Variants in COL11A1 observed in about 807,000 individuals in gnomAD.
The protein encoded by COL11A1 is collagen type XI alpha 1 chain.
Under a neutral mutation model 265.2 loss-of-function variants are expected in COL11A1, and 74 were observed. The ratio of observed to expected loss-of-function variants is 0.28; its 90% CI spans 0.23 to 0.34. The LOEUF (loss-of-function observed/expected upper bound fraction) is 0.34. Ranked by LOEUF, COL11A1 falls within the 10% of genes least tolerant of loss-of-function variation. COL11A1 has a pLI of 1.00. For missense variants in COL11A1, 2,165 were observed against 2,263.6 expected (o/e 0.96, Z 0.88); for synonymous variants, 816 against 727.6 (o/e 1.12, Z -1.96).
At chr1:102,947,206 G>C (rs1486101878) in intron 41 of COL11A1, among the ~76,000 whole-genome samples, 1 of 151,800 alleles carries the variant, frequency 6.6e-6, no homozygotes, top group Non-Finnish European at 1.5e-5. Context: ...ATCAAAATTA[G>C]ATGTATTTAA....
At chr1:103,048,495 CTTT>C (rs1669503557) in intron 4 of COL11A1, among the ~76,000 whole-genome samples, 1 of 152,056 alleles carries the variant, frequency 6.6e-6, no homozygotes, top group African/African-American at 2.4e-5. Context: ...CTCTTTTCTT[CTTT>C]ATTAGTCTTG....
chr1:103,022,248 G>T (rs1042895402), intron 8 of COL11A1, among the ~76,000 whole-genome samples: 1 of 151,502 alleles, frequency 6.6e-6, no homozygotes, highest in Non-Finnish European at 1.5e-5. Context: ...CCTATTGAAG[G>T]CTTAAATATG....
intron 4 of COL11A1, among the ~76,000 whole-genome samples, chr1:103,051,532 C>T (rs1052416551): frequency 2.0e-5 from 3 of 152,186 alleles, no homozygotes; most frequent in African/African-American, 7.2e-5. Context: ...AAAGGGAATT[C>T]CCTGACCCCT....
Position 103,082,905 on chromosome 1 carries a change from CGTT to C in COL11A1, c.171_173del (p.Thr58del), listed in dbSNP as rs1553253791. ...AATTCTTTCTGTTTGTGCAAAATCCCGTTGTTTTTGATATTCCCTCTGGAGAAT... is the reference window on the plus strand; with the variant it reads ...AATTCTTTCTGTTTGTGCAAAATCCCGTTTTTGATATTCCCTCTGGAGAAT... On this transcript the variant is annotated inframe_deletion, in exon 2 of 67. Coordinates refer to ENST00000370096, the MANE Select transcript of COL11A1 (RefSeq NM_001854.4). 1 of 1,613,430 alleles carries C rather than the reference CGTT, an allele frequency of 6.2e-7. No individual in the cohort carries two copies. The highest frequency in any genetic ancestry group is 8.5e-7 in the Non-Finnish European group (1 of 1,179,650).
At chr1:102,974,943 A>G in intron 35 of COL11A1, 60 bp from the exon 36 acceptor site, 1 of 1,246,558 alleles carries the variant, frequency 8.0e-7, no homozygotes, top group East Asian at 2.3e-5. Context: ...GCATCTTTAT[A>G]CTTTGAGGTT....
In COL11A1 at chr1:102,946,868, G is replaced by C; in HGVS notation, c.3257C>G (p.Ala1086Gly). 1 of 1,613,428 alleles carries C rather than the reference G, an allele frequency of 6.2e-7. No individual in the cohort carries two copies. Among genetic ancestry groups the C allele is most frequent in the South Asian group, 1.1e-5 (1 of 90,918 alleles). Residue 1086 changes from alanine to glycine, a missense_variant, in exon 42 of 67, where the codon GCT (alanine) becomes GGT (glycine). Physicochemically the swap from Ala to Gly is moderately conservative, Grantham distance 60 (BLOSUM62 0). Transcript: ENST00000370096. The part of the protein sequence containing the change: ...RPGPQGPPGP[A>G]GEKGAPGEKG... The stretch of plus-strand genomic sequence containing the variant: ...ACTTACAGGAGCACCTTTCTCTCCA[G>C]CTGGACCAGGAGGACCCTGAGGTCC...
intron 66 of COL11A1, 53 bp downstream of exon 66, chr1:102,879,630 T>A: frequency 6.6e-7 from 1 of 1,519,070 alleles, no homozygotes; most frequent in Non-Finnish European, 9.1e-7. Context: ...ACTGAAACGG[T>A]GACATGCTGC....
At chr1:103,063,320 A>G (rs566538801) in intron 4 of COL11A1, among the ~76,000 whole-genome samples, 1 of 152,236 alleles carries the variant, frequency 6.6e-6, no homozygotes, top group Admixed American at 6.5e-5. Context: ...AAGACTTAAT[A>G]TAATATTACA....
chr1:102,945,001 T>C (rs990365352), intron 42 of COL11A1, among the ~76,000 whole-genome samples: 4 of 152,184 alleles, frequency 2.6e-5, no homozygotes, highest in African/African-American at 9.6e-5. Flanking sequence ...ACAGGTGGCA[T>C]GGCCCATTCC....
At chr1:102,947,315 T>C (rs1475760540) in intron 41 of COL11A1, among the ~76,000 whole-genome samples, 6 of 152,206 alleles carry the variant, frequency 3.9e-5, no homozygotes, top group African/African-American at 1.2e-4. Context: ...AATTTCTCCC[T>C]GTATTATAAT....
intron 46 of COL11A1, among the ~76,000 whole-genome samples, chr1:102,930,170 C>A (rs960965669): frequency 5.2e-4 from 79 of 152,124 alleles, no homozygotes; most frequent in Middle Eastern, 3.4e-3. Flanking sequence ...GTCTTGTGCC[C>A]GTTTTCAAAG....
At chr1:102,890,897 AAACTC>A (rs1257750357) in intron 57 of COL11A1, among the ~76,000 whole-genome samples, 3 of 152,048 alleles carry the variant, frequency 2.0e-5, no homozygotes, top group African/African-American at 7.2e-5. Context: ...ATTTTTGAAA[AAACTC>A]AATAAACTTT....
At chr1:103,072,963 C>A (rs1330936560) in intron 4 of COL11A1, among the ~76,000 whole-genome samples, 6 of 151,590 alleles carry the variant, frequency 4.0e-5, no homozygotes, top group Non-Finnish European at 1.5e-5. Context: ...AGAGTAAGTT[C>A]TTTATTCATT....
At chr1:102,911,341 G>C (rs985223036) in intron 54 of COL11A1, among the ~76,000 whole-genome samples, 2 of 152,144 alleles carry the variant, frequency 1.3e-5, no homozygotes, top group Non-Finnish European at 2.9e-5. Flanking sequence ...AGGATATTCA[G>C]TGTGAAAAAT....
At chr1:103,054,633 G>A (rs964646981) in intron 4 of COL11A1, among the ~76,000 whole-genome samples, 1 of 152,086 alleles carries the variant, frequency 6.6e-6, no homozygotes, top group African/African-American at 2.4e-5. Flanking sequence ...CAGGCACGGT[G>A]GCTCATGTCT....
intron 3 of COL11A1, among the ~76,000 whole-genome samples, chr1:103,075,051 T>C (rs1229784671): frequency 6.6e-6 from 1 of 152,092 alleles, no homozygotes; most frequent in Non-Finnish European, 1.5e-5. Flanking sequence ...TTGCTTCACT[T>C]TGTGTTGTAG....
intron 28 of COL11A1, among the ~76,000 whole-genome samples, chr1:102,992,087 T>C (rs1057375830): frequency 2.0e-5 from 3 of 152,188 alleles, no homozygotes; most frequent in Non-Finnish European, 2.9e-5. Flanking sequence ...GACAGAATTT[T>C]ATTTTTAAAT....
chr1:102,983,659 G>C (rs1455092576), intron 31 of COL11A1, among the ~76,000 whole-genome samples: 1 of 152,002 alleles, frequency 6.6e-6, no homozygotes, highest in African/African-American at 2.4e-5. Context: ...AGAACTGTAA[G>C]GCAGTGAATT....
At chr1:103,084,266 G>T (rs1213075823) in intron 1 of COL11A1, among the ~76,000 whole-genome samples, 1 of 151,898 alleles carries the variant, frequency 6.6e-6, no homozygotes, top group African/African-American at 2.4e-5. Flanking sequence ...CCTACCCCCT[G>T]ACAACCTCTT....
Sources: allele counts gnomAD v4.1 joint callset (sites outside exome capture counted in the v4.1 genomes callset), GRCh38; gene constraint gnomAD v4.1.1; transcripts MANE v1.5; gene names NCBI Gene and HGNC (gene_info 2026-07-23, HGNC 2026-07-21).